Variants in NXPH1 observed in about 807,000 individuals in gnomAD.
NXPH1 encodes neurexophilin 1.
In NXPH1, 5 loss-of-function variants were observed where a neutral mutation model predicts 23.7. The ratio of observed to expected loss-of-function variants is 0.21; its 90% confidence interval spans 0.11 to 0.44. The LOEUF is 0.44. NXPH1 is among the 20% of genes least tolerant of loss of function. The pLI is 0.99. For synonymous variants in NXPH1, 144 were observed against 122.2 expected, an observed-to-expected ratio of 1.18 and a Z score of -1.18; for missense variants, 324 against 321.6, an observed-to-expected ratio of 1.01 and a Z score of -0.06.
At chr7:8,448,554 C>T (rs7786611) in intron 2 of NXPH1, among the ~76,000 whole-genome samples, 16,434 of 152,168 alleles carry the variant, frequency 0.11, 2,847 homozygotes, top group African/African-American at 0.36. Flanking sequence ...CGGTGACTCA[C>T]GCCTGTAATC....
intron 2 of NXPH1, among the ~76,000 whole-genome samples, chr7:8,661,632 A>G (rs906618962): frequency 3.9e-5 from 6 of 152,278 alleles, no homozygotes; most frequent in African/African-American, 1.2e-4. Flanking sequence ...GACATTAAAA[A>G]GTCAGTGTAA....
intron 2 of NXPH1, among the ~76,000 whole-genome samples, chr7:8,460,671 G>A (rs918031537): frequency 6.6e-6 from 1 of 152,170 alleles, no homozygotes; most frequent in African/African-American, 2.4e-5. Context: ...ACAGTGTTTT[G>A]AATGGTTATT....
At chr7:8,650,915 T>C (rs1414120800) in intron 2 of NXPH1, among the ~76,000 whole-genome samples, 1 of 152,210 alleles carries the variant, frequency 6.6e-6, no homozygotes, top group Non-Finnish European at 1.5e-5. Context: ...GTTGAAAATA[T>C]ACCATTGAAG....
chr7:8,706,856 C>G (rs1779714379), intron 2 of NXPH1, among the ~76,000 whole-genome samples: 1 of 152,062 alleles, frequency 6.6e-6, no homozygotes, highest in South Asian at 2.1e-4. Context: ...CTGTATTAGA[C>G]AGATTTGTTT....
chr7:8,482,811 G>T (rs140132358), intron 2 of NXPH1, among the ~76,000 whole-genome samples: 1 of 152,230 alleles, frequency 6.6e-6, no homozygotes, highest in African/African-American at 2.4e-5. Context: ...CTGATAAGCG[G>T]GCCTTATCCC....
chr7:8,745,663 C>A (rs1262023811), intron 2 of NXPH1, among the ~76,000 whole-genome samples: 2 of 151,894 alleles, frequency 1.3e-5, no homozygotes, highest in Non-Finnish European at 2.9e-5. Context: ...AGCAATTCTC[C>A]TGCCTCTGCC....
intron 2 of NXPH1, among the ~76,000 whole-genome samples, chr7:8,737,621 C>T (rs1281894563): frequency 6.6e-6 from 1 of 152,102 alleles, no homozygotes; most frequent in East Asian, 1.9e-4. Context: ...TGGGATGGCT[C>T]TTCTTGAGGA....
chr7:8,444,695 T>C (rs1045576379), intron 2 of NXPH1, among the ~76,000 whole-genome samples: 5 of 152,338 alleles, frequency 3.3e-5, no homozygotes, highest in African/African-American at 1.2e-4. Context: ...CAGTGCCTCG[T>C]CTTCATCGTC....
At chr7:8,571,889 A>C (rs1323489471) in intron 2 of NXPH1, among the ~76,000 whole-genome samples, 1 of 151,878 alleles carries the variant, frequency 6.6e-6, no homozygotes, top group Non-Finnish European at 1.5e-5. Context: ...GTTAAAAAAA[A>C]AAAAAAACAC....
intron 2 of NXPH1, among the ~76,000 whole-genome samples, chr7:8,695,989 T>C (rs1779494178): frequency 6.6e-6 from 1 of 152,212 alleles, no homozygotes; most frequent in African/African-American, 2.4e-5. Flanking sequence ...TTTGGAAGCA[T>C]AGTCTGAAGT....
intron 2 of NXPH1, among the ~76,000 whole-genome samples, chr7:8,605,227 T>C (rs1000846099): frequency 7.9e-5 from 12 of 152,148 alleles, no homozygotes; most frequent in African/African-American, 2.9e-4. Flanking sequence ...TGTGTAATTT[T>C]GGCTCACTGG....
At chr7:8,544,255 C>A (rs946562067) in intron 2 of NXPH1, among the ~76,000 whole-genome samples, 1 of 151,512 alleles carries the variant, frequency 6.6e-6, no homozygotes, top group African/African-American at 2.4e-5. Context: ...AGATTCAATA[C>A]TTCTTTGTTT....
At position 8,746,730 on chromosome 7, in the gene NXPH1, C is replaced by T. The variant is rs576328274; in HGVS notation, c.55-4278C>T. ...TCTACCCTCTTAACAAATTTTTAAA[C>T]TGTAAAATACAATATTGACTATAAG... On this transcript the variant is annotated intron_variant, in intron 2 of 2. Transcript: ENST00000405863. Among the ~76,000 whole-genome samples, 6 of 152,214 alleles carry T rather than the reference C, an allele frequency of 3.9e-5. No individual in the cohort carries two copies. The East Asian group carries it at 1.2e-3, about 29-fold the overall frequency.
chr7:8,743,443 A>G (rs1780403809), intron 2 of NXPH1, among the ~76,000 whole-genome samples: 1 of 152,084 alleles, frequency 6.6e-6, no homozygotes, highest in South Asian at 2.1e-4. Context: ...GATTTTATAT[A>G]TAAAGAAGTA....
intron 2 of NXPH1, among the ~76,000 whole-genome samples, chr7:8,609,637 C>A (rs7800863): frequency 0.34 from 52,079 of 151,986 alleles, 9,563 homozygotes; most frequent in African/African-American, 0.48. Context: ...GTATTACAGA[C>A]AAAAATCCCA....
intron 2 of NXPH1, among the ~76,000 whole-genome samples, chr7:8,618,599 A>G (rs75900044): frequency 0.04 from 6,067 of 152,270 alleles, 285 homozygotes; most frequent in East Asian, 0.17. Context: ...GCAATGAGAC[A>G]TTCCTGAGGC....
At chr7:8,521,288 G>A (rs1189346869) in intron 2 of NXPH1, among the ~76,000 whole-genome samples, 1 of 152,142 alleles carries the variant, frequency 6.6e-6, no homozygotes, top group Non-Finnish European at 1.5e-5. Flanking sequence ...GAAATATGAT[G>A]TACACTCACT....
intron 2 of NXPH1, among the ~76,000 whole-genome samples, chr7:8,708,640 G>C (rs1445241521): frequency 1.3e-5 from 2 of 152,102 alleles, no homozygotes; most frequent in Non-Finnish European, 2.9e-5. Flanking sequence ...GGGATTACAG[G>C]TGTGAGCCAC....
chr7:8,645,133 T>C (rs1421988155), intron 2 of NXPH1, among the ~76,000 whole-genome samples: 1 of 152,216 alleles, frequency 6.6e-6, no homozygotes, highest in Non-Finnish European at 1.5e-5. Flanking sequence ...ACTACTATGA[T>C]TCTTTTACTT....
Sources: allele counts gnomAD v4.1 joint callset (sites outside exome capture counted in the v4.1 genomes callset), GRCh38; gene constraint gnomAD v4.1.1; transcripts MANE v1.5; gene names NCBI Gene and HGNC (gene_info 2026-07-23, HGNC 2026-07-21).